Variants in KSR1 observed in about 807,000 individuals in gnomAD.
The protein encoded by KSR1 is kinase suppressor of ras.
A neutral mutation model predicts 92.9 loss-of-function variants in KSR1; 35 were observed. That is an observed-to-expected ratio of 0.38 (90% CI 0.29 to 0.50). The LOEUF (loss-of-function observed/expected upper bound fraction) is 0.50. Among genes scored for constraint, KSR1 ranks in the 20% least tolerant of loss-of-function variants. The pLI is 0.94. For missense variants in KSR1, 972 were observed against 1,158.5 expected (o/e 0.84, Z 2.34); for synonymous variants, 467 against 472.6 (o/e 0.99, Z 0.15).
chr17:27,586,300 A>G (rs986871571), intron 5 of KSR1, among the ~76,000 whole-genome samples: 2 of 152,116 alleles, frequency 1.3e-5, no homozygotes, highest in African/African-American at 4.8e-5. Context: ...GCGGAGGGAG[A>G]CAGCTGTGCC....
chr17:27,540,578 G>A (rs1433325639), intron 1 of KSR1, among the ~76,000 whole-genome samples: 1 of 152,218 alleles, frequency 6.6e-6, no homozygotes, highest in Non-Finnish European at 1.5e-5. Flanking sequence ...GGAGAGTGCG[G>A]GTATGGGCCG....
At chr17:27,558,774 G>A (rs891474421) in intron 2 of KSR1, among the ~76,000 whole-genome samples, 2 of 150,720 alleles carry the variant, frequency 1.3e-5, no homozygotes, top group African/African-American at 2.4e-5. Context: ...TAACCTGATA[G>A]TGCTGAAGGA....
At chr17:27,546,755 G>A (rs2071189440) in intron 1 of KSR1, among the ~76,000 whole-genome samples, 1 of 152,184 alleles carries the variant, frequency 6.6e-6, no homozygotes, top group African/African-American at 2.4e-5. Context: ...GGATCAGAGT[G>A]GGGTAAGCCA....
rs75708903 is a variant in KSR1, at chr17:27,487,586, T to TAA, written c.231+30727_231+30728dup. 2.1e-3 allele frequency among the ~76,000 whole-genome samples: 309 copies of TAA among 145,974 alleles called. 1 individual carries two copies. Among genetic ancestry groups the TAA allele is most frequent in the Middle Eastern group, 0.011 (3 of 278 alleles). ...CAACGTGGTGAAACCCCATCTCTTT[T>TAA]AAAAAAAAAAAAAAAAGGTTTATTT... is the stretch of plus-strand genomic sequence containing the variant. On this transcript the variant is annotated intron_variant, in intron 1 of 20. Transcript: ENST00000644974.
At chr17:27,505,205 G>A (rs2069334245) in intron 1 of KSR1, among the ~76,000 whole-genome samples, 1 of 152,204 alleles carries the variant, frequency 6.6e-6, no homozygotes, top group African/African-American at 2.4e-5. Flanking sequence ...GAGCTGGCCA[G>A]TGAGAGGGAG....
chr17:27,464,854 C>G (rs1471968164), intron 1 of KSR1, among the ~76,000 whole-genome samples: 2 of 151,320 alleles, frequency 1.3e-5, no homozygotes, highest in Non-Finnish European at 2.9e-5. Flanking sequence ...GGTGTCCAGT[C>G]TTTTGGCTTC....
At position 27,459,713 on chromosome 17, in the gene KSR1, T is replaced by C. The variant is rs2019344125; in HGVS notation, c.231+2839T>C. ...GAATCTGAGGAGCCCCAGCTCACTCTGGCCTTCATTAAATAAACACTCAGT... is the reference window on the plus strand; with the variant it reads ...GAATCTGAGGAGCCCCAGCTCACTCCGGCCTTCATTAAATAAACACTCAGT... On this transcript the variant is annotated intron_variant, in intron 1 of 20. Coordinates refer to ENST00000644974, the MANE Select transcript of KSR1 (RefSeq NM_001394583.1). The surrounding 1 kb of genome is among the most constrained non-coding windows in gnomAD (Gnocchi z 4.6). Among the ~76,000 whole-genome samples, 1 of 152,244 alleles carries C rather than the reference T, an allele frequency of 6.6e-6. No individual in the cohort carries two copies. Among genetic ancestry groups the C allele is most frequent in the Non-Finnish European group, 1.5e-5 (1 of 68,036 alleles).
intron 1 of KSR1, among the ~76,000 whole-genome samples, chr17:27,504,592 C>A (rs1236645532): frequency 9.9e-5 from 15 of 152,142 alleles, no homozygotes. Flanking sequence ...ACATTTCTCA[C>A]TTCTCTCTGA....
intron 1 of KSR1, among the ~76,000 whole-genome samples, chr17:27,501,914 G>C (rs1428817884): frequency 6.6e-6 from 1 of 152,254 alleles, no homozygotes; most frequent in African/African-American, 2.4e-5. Flanking sequence ...TCGAGGTAAA[G>C]GAATTGAGGG....
At chr17:27,603,447 A>G (rs2151224736) in intron 11 of KSR1, among the ~76,000 whole-genome samples, 1 of 152,360 alleles carries the variant, frequency 6.6e-6, no homozygotes, top group Non-Finnish European at 1.5e-5. Context: ...CCTGCTTCCA[A>G]ACAGCAGCTT....
intron 20 of KSR1, chr17:27,622,987 C>A (rs1444460138): frequency 2.8e-6 from 1 of 351,272 alleles, no homozygotes; most frequent in Non-Finnish European, 5.2e-6. Context: ...TCTTCTCTCT[C>A]AGTTCTACTT....
At chr17:27,535,401 T>A (rs1028900296) in intron 1 of KSR1, among the ~76,000 whole-genome samples, 1 of 152,070 alleles carries the variant, frequency 6.6e-6, no homozygotes, top group East Asian at 1.9e-4. Context: ...TCACTAGGAG[T>A]AATTCTGGTC....
At chr17:27,498,637 T>C (rs1051402305) in intron 1 of KSR1, among the ~76,000 whole-genome samples, 2 of 152,094 alleles carry the variant, frequency 1.3e-5, no homozygotes, top group African/African-American at 2.4e-5. Flanking sequence ...CCGATAACAC[T>C]AGTGTTTGAG....
At chr17:27,472,655 T>C (rs1379097184) in intron 1 of KSR1, among the ~76,000 whole-genome samples, 1 of 152,082 alleles carries the variant, frequency 6.6e-6, no homozygotes, top group Non-Finnish European at 1.5e-5. Context: ...GTACAAAAAT[T>C]AGCCGGGCAT....
rs1015583924 is a variant in KSR1, at chr17:27,623,300, G to C, written c.2709-14G>C. 3 of 763,296 alleles carry C rather than the reference G, an allele frequency of 3.9e-6. No individual in the cohort carries two copies. Among genetic ancestry groups the C allele is most frequent in the Admixed American group, 1.7e-5 (1 of 58,798 alleles). The allele number at this position is 763,296 out of a possible 1,614,324, so 47.3% of individuals were successfully genotyped here. ...CAATGGGGCTATAATTCTTGTTTTT[G>C]TTCCTCTTTGCAGCATTAACAGCAG... On this transcript the variant is annotated splice_polypyrimidine_tract_variant and intron_variant, in intron 20 of 20. Transcript: ENST00000644974.
chr17:27,526,428 C>T, intron 1 of KSR1: 2 of 1,557,100 alleles, frequency 1.3e-6, no homozygotes, highest in Non-Finnish European at 1.7e-6. Context: ...AGGAAGCAGG[C>T]CATTCCTTGG....
intron 9 of KSR1, 54 bp downstream of exon 9, chr17:27,592,680 A>G (rs774088003): frequency 3.3e-5 from 48 of 1,451,750 alleles, no homozygotes; most frequent in Middle Eastern, 2.3e-4. Context: ...CTTCCTTCCT[A>G]TAAAGCACCC....
At chr17:27,533,474 C>T (rs753673638) in intron 1 of KSR1, among the ~76,000 whole-genome samples, 7 of 151,828 alleles carry the variant, frequency 4.6e-5, no homozygotes, top group Non-Finnish European at 1.0e-4. Flanking sequence ...ACCTCTGCCT[C>T]CCGGGTTCAT....
At chr17:27,597,072 C>G (rs1295674214) in intron 9 of KSR1, among the ~76,000 whole-genome samples, 196 bp from the exon 10 acceptor site, 1 of 152,138 alleles carries the variant, frequency 6.6e-6, no homozygotes, top group Non-Finnish European at 1.5e-5. Context: ...TGAGCAGGAG[C>G]CCCCCGGGGA....
Sources: gnomAD v4.1 joint callset for allele counts (sites outside exome capture counted in the v4.1 genomes callset) on GRCh38, gnomAD v4.1.1 for gene constraint, Gnocchi (gnomAD v3.1) non-coding constraint, MANE v1.5 for transcripts, NCBI Gene and HGNC (gene_info 2026-07-23, HGNC 2026-07-21) for gene names.